The following CCSER1 variants were observed in gnomAD, a reference collection of about 807,000 sequenced individuals.
CCSER1 encodes the protein serine-rich coiled-coil domain-containing protein 1.
In CCSER1, 41 loss-of-function variants were observed where a neutral mutation model predicts 82.0. The ratio of observed to expected loss-of-function variants is 0.50; its 90% CI spans 0.39 to 0.65. CCSER1 has a LOEUF of 0.65. Among genes scored for constraint, CCSER1 ranks in the 30% least tolerant of loss-of-function variants. The probability of loss-of-function intolerance (pLI) is 0.00; values close to 1 mark genes in which losing one functional copy is unlikely to be tolerated. For synonymous variants in CCSER1, 414 were observed against 383.9 expected (o/e 1.08, Z -0.92); for missense variants, 1,119 against 1,064.2 (o/e 1.05, Z -0.72).
At chr4:91,136,245 A>C (rs188827563) in intron 10 of CCSER1, among the ~76,000 whole-genome samples, 1 of 152,168 alleles carries the variant, frequency 6.6e-6, no homozygotes. Context: ...TTCACACCTC[A>C]TACATTTGCC....
intron 10 of CCSER1, among the ~76,000 whole-genome samples, chr4:91,127,714 T>C (rs1355901480): frequency 6.6e-6 from 1 of 152,068 alleles, no homozygotes; most frequent in South Asian, 2.1e-4. Flanking sequence ...ACTCAGAATG[T>C]TTCTACCTCC....
intron 1 of CCSER1, among the ~76,000 whole-genome samples, chr4:90,304,865 A>C (rs1338768932): frequency 6.6e-6 from 1 of 152,008 alleles, no homozygotes; most frequent in Non-Finnish European, 1.5e-5. Context: ...TCCTTTGAAT[A>C]CTTGCTAAAG....
chr4:90,503,043 T>C (rs748390231), intron 5 of CCSER1, among the ~76,000 whole-genome samples: 1 of 152,182 alleles, frequency 6.6e-6, no homozygotes. Context: ...TCAGAAACTG[T>C]ACATGGAGGG....
At chr4:91,145,431 A>G (rs1310670977) in intron 10 of CCSER1, among the ~76,000 whole-genome samples, 1 of 152,096 alleles carries the variant, frequency 6.6e-6, no homozygotes, top group Non-Finnish European at 1.5e-5. Flanking sequence ...CCTTTTAAGT[A>G]GGGTGTTTAG....
chr4:90,539,076 T>C (rs1775773957), intron 5 of CCSER1, among the ~76,000 whole-genome samples: 1 of 152,214 alleles, frequency 6.6e-6, no homozygotes, highest in Middle Eastern at 3.4e-3. Flanking sequence ...CAATCAACTT[T>C]TCATATCTAA....
At chr4:90,849,274 C>T (rs547177133) in intron 8 of CCSER1, among the ~76,000 whole-genome samples, 1 of 152,186 alleles carries the variant, frequency 6.6e-6, no homozygotes, top group South Asian at 2.1e-4. Context: ...CCGAGGTGGT[C>T]TCAGATGGAG....
intron 9 of CCSER1, among the ~76,000 whole-genome samples, chr4:90,930,986 ATT>A (rs1357393141): frequency 1.3e-4 from 19 of 146,430 alleles, no homozygotes; most frequent in African/African-American, 4.0e-4. Flanking sequence ...GTACATATAT[ATT>A]GACATACACA....
intron 10 of CCSER1, among the ~76,000 whole-genome samples, chr4:91,515,053 C>T (rs1291450832): frequency 1.3e-5 from 2 of 152,144 alleles, no homozygotes; most frequent in South Asian, 4.1e-4. Flanking sequence ...ATATTGAGTA[C>T]TATGTGACCC....
intron 10 of CCSER1, among the ~76,000 whole-genome samples, chr4:91,492,025 T>C (rs546213469): frequency 9.4e-4 from 142 of 151,774 alleles, no homozygotes; most frequent in Non-Finnish European, 1.6e-3. Flanking sequence ...AAGTGGTATT[T>C]ATGAATTTTG....
intron 1 of CCSER1, among the ~76,000 whole-genome samples, chr4:90,282,939 A>G (rs1729140923): frequency 6.6e-6 from 1 of 151,978 alleles, no homozygotes; most frequent in Non-Finnish European, 1.5e-5. Flanking sequence ...GTACTAAGTG[A>G]TCAAAGTCAC....
At chr4:91,343,928 G>A (rs569948253) in intron 10 of CCSER1, among the ~76,000 whole-genome samples, 1 of 152,268 alleles carries the variant, frequency 6.6e-6, no homozygotes, top group African/African-American at 2.4e-5. Context: ...TTTAAGAAAT[G>A]TAAAAATAAA....
intron 1 of CCSER1, among the ~76,000 whole-genome samples, chr4:90,186,084 G>C (rs143134066): frequency 1.3e-5 from 2 of 152,016 alleles, no homozygotes; most frequent in Non-Finnish European, 2.9e-5. Context: ...GTCTAGGAGT[G>C]GAACAGAACA....
intron 1 of CCSER1, among the ~76,000 whole-genome samples, chr4:90,146,149 T>C (rs1027788140): frequency 5.9e-5 from 9 of 152,122 alleles, no homozygotes; most frequent in Admixed American, 4.6e-4. Context: ...ACTGCTCTTT[T>C]GATGTGTGAT....
chr4:90,777,744 A>G (rs1753131193), intron 7 of CCSER1, among the ~76,000 whole-genome samples: 1 of 152,140 alleles, frequency 6.6e-6, no homozygotes, highest in African/African-American at 2.4e-5. Flanking sequence ...TTTTCAGCGT[A>G]TTGTACATGT....
intron 10 of CCSER1, among the ~76,000 whole-genome samples, chr4:91,404,976 TC>T (rs1206153019): frequency 6.6e-6 from 1 of 152,206 alleles, no homozygotes; most frequent in East Asian, 1.9e-4. Context: ...TGTTGATCTG[TC>T]TAATGTTGAC....
intron 10 of CCSER1, among the ~76,000 whole-genome samples, chr4:91,448,882 T>C (rs1188230898): frequency 6.6e-6 from 1 of 152,036 alleles, no homozygotes; most frequent in Non-Finnish European, 1.5e-5. Flanking sequence ...AACAAAGGAA[T>C]TACAAGTGAA....
intron 1 of CCSER1, chr4:90,235,174 GC>G (rs1745544292): frequency 6.6e-6 from 1 of 152,578 alleles, no homozygotes; most frequent in African/African-American, 2.4e-5. Context: ...AACACTGCAA[GC>G]CCTGCTGCTG....
At chr4:90,236,986 T>G (rs1366266943) in intron 1 of CCSER1, among the ~76,000 whole-genome samples, 1 of 152,154 alleles carries the variant, frequency 6.6e-6, no homozygotes, top group African/African-American at 2.4e-5. Flanking sequence ...AACAAACCAG[T>G]GATGGTACTG....
At chr4:90,576,270 A>T (rs1780753311) in intron 5 of CCSER1, among the ~76,000 whole-genome samples, 1 of 152,106 alleles carries the variant, frequency 6.6e-6, no homozygotes, top group African/African-American at 2.4e-5. Context: ...TGGTACAAAA[A>T]TTTCCCATAA....
Sources: allele counts gnomAD v4.1 joint callset (sites outside exome capture counted in the v4.1 genomes callset), GRCh38; gene constraint gnomAD v4.1.1; transcripts MANE v1.5; gene names NCBI Gene and HGNC (gene_info 2026-07-23, HGNC 2026-07-21).